IGFN1: variants seen among roughly 807,000 people sequenced by gnomAD.
IGFN1 encodes immunoglobulin like and fibronectin type III domain containing 1, also known as immunoglobulin-like and fibronectin type III domain-containing protein 1.
A neutral mutation model predicts 289.5 loss-of-function variants in IGFN1; 253 were observed. The ratio of observed to expected loss-of-function variants is 0.87; its 90% CI spans 0.79 to 0.97. The LOEUF is 0.97. IGFN1 is among the 50% of genes least tolerant of loss of function. The pLI, the probability that IGFN1 is intolerant of heterozygous loss-of-function variation, is 0.00. For synonymous variants in IGFN1, 1,706 were observed against 1,788.5 expected (o/e 0.95, Z 1.16); for missense variants, 4,470 against 4,686.1 (o/e 0.95, Z 1.35).
intron 1 of IGFN1, among the ~76,000 whole-genome samples, chr1:201,191,410 G>A (rs1023863093): frequency 6.6e-6 from 1 of 152,152 alleles, no homozygotes; most frequent in African/African-American, 2.4e-5. Flanking sequence ...AGGATGGGGA[G>A]CCATAGGTCC....
chr1:201,212,275 G>A lies in IGFN1; in HGVS notation c.7382G>A (p.Arg2461Gln), dbSNP rs143334493. The A allele has an allele frequency of 3.9e-4, 605 of 1,536,182 alleles. 8 individuals carry two copies. The African/African-American group carries it at 6.3e-3, about 16-fold the overall frequency. ...QGGRQTLSDE[R>Q]GSTKDLGGYG... ...GGGCGACAGACTCTTTCAGATGAGC[G>A]AGGCTCCACCAAAGATCTTGGGGGC... is the stretch of plus-strand genomic sequence containing the variant. Residue 2461 changes from arginine to glutamine, a missense_variant, in exon 12 of 24, where the codon CGA (arginine) becomes CAA (glutamine). Arg to Gln is a conservative substitution (Grantham distance 43). This residue lies in a region of IGFN1 where 2,218 missense variants were observed against 2,114.1 expected (regional missense o/e 1.05). Transcript: ENST00000335211.
In IGFN1 at chr1:201,200,410, A is replaced by G. The variant is rs1445457424; in HGVS notation, c.632A>G (p.Gln211Arg). The G allele has an allele frequency of 6.4e-7, 1 of 1,550,776 alleles. No homozygotes were observed. Among genetic ancestry groups the G allele is most frequent in the Admixed American group, 2.0e-5 (1 of 50,990 alleles). Residue 211 changes from glutamine (Q) to arginine (R), a missense_variant and splice_region_variant, in exon 8 of 24, where the codon CAG becomes CGG. Gln to Arg is a conservative substitution (Grantham distance 43, BLOSUM62 1). This residue lies in a region of IGFN1 where 2,011 missense variants were observed against 1,953.4 expected (regional missense o/e 1.03). Transcript: ENST00000335211. ...MKKEQEDKMAQYINTISSLRH... is the reference protein window; with the variant it reads ...MKKEQEDKMARYINTISSLRH... Reference sequence around the variant, plus strand: ...AAGGAACAGGAGGACAAGATGGCACAGGTGCCTCACCCCATTCCCACCCCT... The same window carrying G: ...AAGGAACAGGAGGACAAGATGGCACGGGTGCCTCACCCCATTCCCACCCCT...
rs372389261 is a variant in IGFN1 at position 201,216,469 on chromosome 1, C to T, written c.9311C>T (p.Pro3104Leu). 1.0e-4 allele frequency: 159 copies of T among 1,576,208 alleles called. 1 individual carries two copies. Among genetic ancestry groups the T allele is most frequent in the Middle Eastern group, 1.7e-4 (1 of 5,892 alleles). The change falls in exon 16 of 24, where the codon CCA becomes CTA. Residue 3104 changes from proline to leucine, a missense_variant. This residue lies in a region of IGFN1 where 2,218 missense variants were observed against 2,114.1 expected (regional missense o/e 1.05). Transcript: ENST00000335211. The stretch of plus-strand genomic sequence containing the variant: ...GGGTCCCCAGACAAGCCTGATCCCC[C>T]ACAAGGCCCCATGGAGGTTCAGGAT... The part of the protein sequence containing the change: ...TLQVIDKPDP[P>L]QGPMEVQDCH...
At position 201,203,831 on chromosome 1, in the gene IGFN1, AG is replaced by A. The variant is rs1466198224; in HGVS notation, c.843del (p.Arg281SerfsTer83). 2 of 1,551,716 alleles carry A rather than the reference AG, an allele frequency of 1.3e-6. No homozygotes were observed. The highest frequency in any genetic ancestry group is 1.7e-4 in the Middle Eastern group (1 of 5,992). ...CTATGAGTTCCAGATTCAAGACCTGAGGCCTGAGGACTCTGGCATTTACCAG... is the reference window on the plus strand; with the variant it reads ...CTATGAGTTCCAGATTCAAGACCTGAGCCTGAGGACTCTGGCATTTACCAG... ...KRYEFQIQDL[R>X]PEDSGIYQVK... On this transcript the variant is annotated frameshift_variant, in exon 10 of 24. Coordinates refer to ENST00000335211, the MANE Select transcript of IGFN1 (RefSeq NM_001164586.2). LOFTEE classifies it high-confidence loss of function.
chr1:201,200,711 T>C (rs894330438), intron 8 of IGFN1, among the ~76,000 whole-genome samples: 1 of 152,182 alleles, frequency 6.6e-6, no homozygotes, highest in East Asian at 1.9e-4. Context: ...GCCTACCTTG[T>C]AGGGTTATTG....
At chr1:201,221,051 G>C (rs1653688899) in intron 18 of IGFN1, among the ~76,000 whole-genome samples, 1 of 152,194 alleles carries the variant, frequency 6.6e-6, no homozygotes, top group Non-Finnish European at 1.5e-5. Flanking sequence ...GCAGAGTCGT[G>C]ACTCTAAGAG....
At position 201,224,878 on chromosome 1, in the gene IGFN1, A is replaced by T; in HGVS notation, c.10486+4A>T. ...AGCTTCCGTATCAGGGTGGCAGGTG[A>T]GGCAGGCCTTGCTCTGGGCTCTGGA... On this transcript the variant is annotated splice_donor_region_variant and intron_variant, in intron 21 of 23. Coordinates refer to ENST00000335211, the MANE Select transcript of IGFN1 (RefSeq NM_001164586.2). 1 of 1,610,678 alleles carries T rather than the reference A, an allele frequency of 6.2e-7. No homozygotes were observed. The highest frequency in any genetic ancestry group is 8.5e-7 in the Non-Finnish European group (1 of 1,178,202).
intron 8 of IGFN1, among the ~76,000 whole-genome samples, chr1:201,201,151 C>T (rs2103143): frequency 0.15 from 22,612 of 152,182 alleles, 1,886 homozygotes; most frequent in East Asian, 0.23. Context: ...CTTCTAAAGG[C>T]TTTCATGGAA....
chr1:201,222,429 C>T, intron 19 of IGFN1: 1 of 267,262 alleles, frequency 3.7e-6, no homozygotes, highest in Non-Finnish European at 7.1e-6. Context: ...ATCTCATCTG[C>T]AAAACATAAG....
At chr1:201,222,121 C>T (rs898154054) in intron 19 of IGFN1, 5 of 174,534 alleles carry the variant, frequency 2.9e-5, no homozygotes, top group Admixed American at 6.2e-5. Context: ...GCATGGCCTT[C>T]GAAGGCCTAA....
intron 23 of IGFN1, among the ~76,000 whole-genome samples, chr1:201,227,666 G>A (rs1558164626): frequency 1.3e-5 from 2 of 152,004 alleles, no homozygotes; most frequent in South Asian, 2.1e-4. Flanking sequence ...CTGACCTCAG[G>A]TGATCCACCC....
Position 201,212,606 on chromosome 1 carries a change from G to A in IGFN1, c.7713G>A (p.Gly2571=), listed in dbSNP as rs1259611833. The A allele has an allele frequency of 5.8e-6, 9 of 1,546,076 alleles. No individual in the cohort carries two copies. In the South Asian group the frequency reaches 8.4e-5, roughly 14 times the overall value. Residue 2571 remains glycine (G), a synonymous_variant, in exon 12 of 24, where the codon GGG becomes GGA. Coordinates refer to ENST00000335211, the MANE Select transcript of IGFN1 (RefSeq NM_001164586.2). ...TDRGRVAGQG[G]LASQGGGDSL... ...GGGGTAGAGTTGCTGGCCAGGGGGG[G>A]TTGGCATCTCAGGGAGGTGGGGACT...
In IGFN1 at chr1:201,214,249, G is replaced by C. The variant is rs1369086051; in HGVS notation, c.8801G>C (p.Cys2934Ser). ...CCGGGGGAGGCCGCCACACTCTCCT[G>C]TACCCTCACCAGTGACCTGGGACCT... ...VQPGEAATLS[C>S]TLTSDLGPGT... Residue 2934 changes from cysteine to serine, a missense_variant, in exon 13 of 24, where the codon TGT (cysteine) becomes TCT (serine). By Grantham distance (112) the Cys-to-Ser change is moderately radical. Transcript: ENST00000335211. The C allele has an allele frequency of 2.5e-6, 4 of 1,613,554 alleles. No homozygotes were observed. Among genetic ancestry groups the C allele is most frequent in the Non-Finnish European group, 2.5e-6 (3 of 1,179,738 alleles).
Position 201,211,070 on chromosome 1 carries a change from T to C in IGFN1, c.6177T>C (p.Ser2059=). ...GTTTTAGGGATGGTTTAGGGAGTTCTGTAGAAATGGGGTCAGTGAATGAGG... is the reference window on the plus strand; with the variant it reads ...GTTTTAGGGATGGTTTAGGGAGTTCCGTAGAAATGGGGTCAGTGAATGAGG... ...KAGFRDGLGS[S]VEMGSVNEAG... Residue 2059 remains serine, a synonymous_variant, in exon 12 of 24, where the codon TCT becomes TCC. Transcript: ENST00000335211. 2 of 1,502,710 alleles carry C rather than the reference T, an allele frequency of 1.3e-6. No homozygotes were observed. Among genetic ancestry groups the C allele is most frequent in the Non-Finnish European group, 1.8e-6 (2 of 1,126,596 alleles). The allele number at this position is 1,502,710 out of a possible 1,614,324, so 93.1% of individuals were successfully genotyped here.
rs1485283676 is a variant in IGFN1 at position 201,206,810 on chromosome 1, C to T, written c.1917C>T (p.Asp639=). The change falls in exon 12 of 24, where the codon GAC becomes GAT. Residue 639 remains aspartate, a synonymous_variant. Transcript: ENST00000335211. The stretch of plus-strand genomic sequence containing the variant: ...AGGATGACAGCCTGGCTGAGATGGA[C>T]AGAGGGGATGCTCCAAGTAGGGAAA... ...ISQDDSLAEM[D]RGDAPSRERG... 2 of 1,536,826 alleles carry T rather than the reference C, an allele frequency of 1.3e-6. No individual in the cohort carries two copies. The highest frequency in any genetic ancestry group is 1.2e-5 in the South Asian group (1 of 84,032).
chr1:201,197,700 A>G (rs1212697149), intron 5 of IGFN1, among the ~76,000 whole-genome samples: 4 of 152,230 alleles, frequency 2.6e-5, no homozygotes, highest in Non-Finnish European at 5.9e-5. Context: ...GTTGACAAAC[A>G]GGTCACACAA....
rs770411996 is a variant in IGFN1, at chr1:201,212,599, A to AG, written c.7713dup (p.Leu2572ValfsTer46). On this transcript the variant is annotated frameshift_variant, in exon 12 of 24. Transcript: ENST00000335211. LOFTEE classifies it high-confidence loss of function. ...ACAGACAGGGGTAGAGTTGCTGGCC[A>AG]GGGGGGGTTGGCATCTCAGGGAGGT... 2.8e-4 allele frequency: 439 copies of AG among 1,547,074 alleles called. 3 individuals are homozygous for AG. Among genetic ancestry groups the AG allele is most frequent in the East Asian group, 3.4e-4 (14 of 40,894 alleles).
chr1:201,207,121 G>A lies in IGFN1; in HGVS notation c.2228G>A (p.Gly743Glu). 2.6e-6 allele frequency: 4 copies of A among 1,537,048 alleles called. No individual in the cohort carries two copies. Among genetic ancestry groups the A allele is most frequent in the Non-Finnish European group, 3.5e-6 (4 of 1,146,868 alleles). The change falls in exon 12 of 24, where the codon GGG (glycine) becomes GAG (glutamate). Residue 743 changes from glycine (G) to glutamate (E), a missense_variant. Physicochemically the swap from Gly to Glu is moderately conservative, Grantham distance 98 (BLOSUM62 -2). Transcript: ENST00000335211. ...GGTAGAAAATTCCTTCTGGGAGATG[G>A]GAGTCCTGAGATCAAAGCTGAAGAC... The part of the protein sequence containing the change: ...SGGRKFLLGD[G>E]SPEIKAEDSL...
intron 9 of IGFN1, among the ~76,000 whole-genome samples, chr1:201,202,475 C>T (rs1667206256): frequency 1.3e-5 from 2 of 152,088 alleles, no homozygotes; most frequent in Admixed American, 6.5e-5. Context: ...CCCTCAGTTC[C>T]TGGCCCACTG....
Sources: gnomAD v4.1 joint callset for allele counts (sites outside exome capture counted in the v4.1 genomes callset) on GRCh38, gnomAD v4.1.1 for gene constraint, gnomAD v4.1.1 regional missense constraint, MANE v1.5 for transcripts, NCBI Gene and HGNC (gene_info 2026-07-23, HGNC 2026-07-21) for gene names.